The following ANKRD12 variants were observed in gnomAD, a reference collection of about 807,000 sequenced individuals.
ANKRD12 encodes ankyrin repeat domain 12.
Under a neutral mutation model 183.4 loss-of-function variants are expected in ANKRD12, and 85 were observed. That is an observed-to-expected ratio of 0.46 (90% CI 0.39 to 0.56). The LOEUF (loss-of-function observed/expected upper bound fraction) is 0.56. Among genes scored for constraint, ANKRD12 ranks in the 20% least tolerant of loss-of-function variants. The probability of loss-of-function intolerance (pLI) is 0.00; values close to 1 mark genes in which losing one functional copy is unlikely to be tolerated. For synonymous variants in ANKRD12, 914 were observed against 800.2 expected (o/e 1.14, Z -2.40); for missense variants, 2,405 against 2,357.1 (o/e 1.02, Z -0.42).
rs568320760 is a variant in ANKRD12, at chr18:9,146,221, G to A, written c.-52+9256G>A. On this transcript the variant is annotated intron_variant, in intron 1 of 12. Coordinates refer to ENST00000262126, the MANE Select transcript of ANKRD12 (RefSeq NM_015208.5). ...AGTGACATTTGCCTTTTTTTCCCCC[G>A]ATTCAAAAACATTTGTGTGGTTATA... is the stretch of plus-strand genomic sequence containing the variant. 5.9e-5 allele frequency among the ~76,000 whole-genome samples: 9 copies of A among 151,888 alleles called. No individual in the cohort carries two copies. In the South Asian group the frequency reaches 1.5e-3, roughly 25 times the overall value.
In ANKRD12 at chr18:9,255,238, TAAAG is replaced by T; in HGVS notation, c.1973_1976del (p.Lys658ArgfsTer53). ...CATTAAAAAAACATAAATTGAAGCATAAAGAGAGGGAAAAAGAAAAGCATAAAAA... is the reference window on the plus strand; with the variant it reads ...CATTAAAAAAACATAAATTGAAGCATAGAGGGAAAAAGAAAAGCATAAAAA... On this transcript the variant is annotated frameshift_variant, in exon 9 of 13. Coordinates refer to ENST00000262126, the MANE Select transcript of ANKRD12 (RefSeq NM_015208.5). LOFTEE classifies it high-confidence loss of function. The T allele has an allele frequency of 6.4e-7, 1 of 1,564,348 alleles. No homozygotes were observed. Among genetic ancestry groups the T allele is most frequent in the Non-Finnish European group, 8.6e-7 (1 of 1,164,458 alleles).
In ANKRD12 at chr18:9,192,309, C is replaced by T. The variant is rs563668548; in HGVS notation, c.88-3242C>T. Among the ~76,000 whole-genome samples, 5 of 152,142 alleles carry T rather than the reference C, an allele frequency of 3.3e-5. No individual in the cohort carries two copies. In the South Asian group the frequency reaches 6.2e-4, roughly 19 times the overall value. On this transcript the variant is annotated intron_variant, in intron 2 of 12. Transcript: ENST00000262126. ...GTTATTCTTGTCACTTTGTTCTTGCCATCATAGGGTTTTCTTTAATCTTTT... is the reference window on the plus strand; with the variant it reads ...GTTATTCTTGTCACTTTGTTCTTGCTATCATAGGGTTTTCTTTAATCTTTT...
rs561637779 is a variant in ANKRD12 at position 9,195,288 on chromosome 18, A to G, written c.88-263A>G. 3.9e-5 allele frequency among the ~76,000 whole-genome samples: 6 copies of G among 152,270 alleles called. No homozygotes were observed. In the East Asian group the frequency reaches 1.2e-3, roughly 29 times the overall value. ...TTACACCAAACCCCAGTGATATGCA[A>G]TTTACTTACATAACAAACCTGCACA... On this transcript the variant is annotated intron_variant, in intron 2 of 12. Coordinates refer to ENST00000262126, the MANE Select transcript of ANKRD12 (RefSeq NM_015208.5).
chr18:9,237,559 G>A (rs2037417882), intron 8 of ANKRD12, among the ~76,000 whole-genome samples: 1 of 152,196 alleles, frequency 6.6e-6, no homozygotes, highest in South Asian at 2.1e-4. Flanking sequence ...GCACAGCCAT[G>A]GAAAAGCATG....
At chr18:9,227,698 T>C (rs1247605223) in intron 8 of ANKRD12, among the ~76,000 whole-genome samples, 1 of 152,206 alleles carries the variant, frequency 6.6e-6, no homozygotes, top group African/African-American at 2.4e-5. Flanking sequence ...TATAATCATT[T>C]GCATATTTAT....
At position 9,260,994 on chromosome 18, in the gene ANKRD12, C is replaced by T. The variant is rs149807436; in HGVS notation, c.5664+2063C>T. Among the ~76,000 whole-genome samples the T allele has an allele frequency of 9.2e-5, 14 of 152,254 alleles. No individual in the cohort carries two copies. In the East Asian group the frequency reaches 2.7e-3, roughly 29 times the overall value. On this transcript the variant is annotated intron_variant, in intron 9 of 12. Transcript: ENST00000262126. Reference sequence around the variant, plus strand: ...CCTCCTGTGGTCCCTTACCACCCTCCCGTTCTCACACTAAGCCTCAAGTCC... The same window carrying T: ...CCTCCTGTGGTCCCTTACCACCCTCTCGTTCTCACACTAAGCCTCAAGTCC...
intron 1 of ANKRD12, among the ~76,000 whole-genome samples, chr18:9,144,800 A>G (rs2078438094): frequency 1.3e-5 from 2 of 152,304 alleles, no homozygotes; most frequent in African/African-American, 4.8e-5. Flanking sequence ...TGATATTAAA[A>G]GAAAAGATAA....
intron 1 of ANKRD12, among the ~76,000 whole-genome samples, chr18:9,148,294 T>G (rs1177475148): frequency 6.6e-6 from 1 of 151,952 alleles, no homozygotes; most frequent in Non-Finnish European, 1.5e-5. Flanking sequence ...ACCTTAACAA[T>G]TCTGGAGGGA....
chr18:9,203,585 G>A (rs984505408), intron 3 of ANKRD12, among the ~76,000 whole-genome samples: 2 of 151,262 alleles, frequency 1.3e-5, no homozygotes, highest in Non-Finnish European at 2.9e-5. Flanking sequence ...ATATATATAT[G>A]TGTGTGTGTG....
intron 8 of ANKRD12, among the ~76,000 whole-genome samples, chr18:9,225,662 C>CTAAGGT (rs2036662705): frequency 6.6e-6 from 1 of 152,148 alleles, no homozygotes; most frequent in South Asian, 2.1e-4. Flanking sequence ...ATCTTAAATT[C>CTAAGGT]TCTGTCCACA....
intron 1 of ANKRD12, among the ~76,000 whole-genome samples, chr18:9,159,288 T>G (rs745870144): frequency 6.6e-6 from 1 of 152,222 alleles, no homozygotes; most frequent in Non-Finnish European, 1.5e-5. Context: ...TGTGTCTGTA[T>G]TAAAGTAAAC....
chr18:9,144,221 A>G (rs1443211408), intron 1 of ANKRD12, among the ~76,000 whole-genome samples: 2 of 152,202 alleles, frequency 1.3e-5, no homozygotes, highest in Admixed American at 6.5e-5. Flanking sequence ...GTTTTACAGC[A>G]TGCAATTATT....
chr18:9,138,686 C>T (rs927867785), intron 1 of ANKRD12, among the ~76,000 whole-genome samples: 11 of 152,094 alleles, frequency 7.2e-5, no homozygotes, highest in African/African-American at 2.7e-4. Flanking sequence ...GGCTTAAAAG[C>T]AAAATGAGGA....
At chr18:9,146,525 T>TA (rs1025515954) in intron 1 of ANKRD12, among the ~76,000 whole-genome samples, 10 of 151,776 alleles carry the variant, frequency 6.6e-5, no homozygotes, top group East Asian at 1.9e-4. Context: ...TCCATAAAAA[T>TA]AAAAAAAAAT....
At chr18:9,243,028 T>A (rs1160775632) in intron 8 of ANKRD12, among the ~76,000 whole-genome samples, 2 of 152,162 alleles carry the variant, frequency 1.3e-5, no homozygotes, top group African/African-American at 4.8e-5. Context: ...TAAAATTACC[T>A]CATATTTTAT....
At chr18:9,220,596 T>TA (rs2036367356) in intron 7 of ANKRD12, among the ~76,000 whole-genome samples, 1 of 152,192 alleles carries the variant, frequency 6.6e-6, no homozygotes, top group African/African-American at 2.4e-5. Flanking sequence ...AGATAAAAGA[T>TA]AATAGTACAG....
intron 3 of ANKRD12, among the ~76,000 whole-genome samples, chr18:9,196,103 A>G (rs1444889997): frequency 3.0e-5 from 2 of 66,016 alleles, no homozygotes; most frequent in Non-Finnish European, 6.4e-5. Context: ...AATTAGAAAC[A>G]TGCAAACACA....
chr18:9,272,674 G>A lies in ANKRD12; in HGVS notation c.5764-2850G>A, dbSNP rs556555493. On this transcript the variant is annotated intron_variant, in intron 10 of 12. Transcript: ENST00000262126. ...ACTACAACCAACTTTTTAGGAAGACGCATCTGGCTATTTTTAATTTTGCAT... is the reference window on the plus strand; with the variant it reads ...ACTACAACCAACTTTTTAGGAAGACACATCTGGCTATTTTTAATTTTGCAT... Among the ~76,000 whole-genome samples the A allele has an allele frequency of 3.4e-4, 51 of 152,226 alleles. 2 individuals carry two copies. The South Asian group carries it at 9.5e-3, about 28-fold the overall frequency.
At chr18:9,217,305 TGGCCA>T (rs1383852732) in intron 7 of ANKRD12, among the ~76,000 whole-genome samples, 2 of 152,336 alleles carry the variant, frequency 1.3e-5, no homozygotes, top group Non-Finnish European at 2.9e-5. Context: ...AGTTCTGGCC[TGGCCA>T]GTTTACTAGC....
Sources: gnomAD v4.1 joint callset for allele counts (sites outside exome capture counted in the v4.1 genomes callset) on GRCh38, gnomAD v4.1.1 for gene constraint, MANE v1.5 for transcripts, NCBI Gene and HGNC (gene_info 2026-07-23, HGNC 2026-07-21) for gene names.